The following SYNDIG1 variants were observed in gnomAD, a reference collection of about 807,000 sequenced individuals.
The protein encoded by SYNDIG1 is synapse differentiation inducing 1, also known as synapse differentiation-inducing gene protein 1.
SYNDIG1 carries 9 observed loss-of-function variants against 19.4 expected under a neutral mutation model. The observed-to-expected ratio is 0.46, with a 90% CI of 0.28 to 0.81. The LOEUF is 0.81. SYNDIG1 is among the 30% of genes least tolerant of loss of function. SYNDIG1 has a pLI of 0.12. For synonymous variants in SYNDIG1, 141 were observed against 145.9 expected, an observed-to-expected ratio of 0.97 and a Z score of 0.24; for missense variants, 311 against 343.3, an observed-to-expected ratio of 0.91 and a Z score of 0.74.
chr20:24,498,685 G>A (rs2056362874), intron 1 of SYNDIG1, among the ~76,000 whole-genome samples: 1 of 152,198 alleles, frequency 6.6e-6, no homozygotes, highest in Non-Finnish European at 1.5e-5. Context: ...GTGTTCTTGT[G>A]TGTAGCTGTG....
At chr20:24,500,630 C>A (rs564510868) in intron 1 of SYNDIG1, among the ~76,000 whole-genome samples, 1 of 151,374 alleles carries the variant, frequency 6.6e-6, no homozygotes, top group Non-Finnish European at 1.5e-5. Context: ...TGTTACAGAT[C>A]GTAAAACCCA....
intron 1 of SYNDIG1, among the ~76,000 whole-genome samples, chr20:24,529,602 A>G (rs1423736914): frequency 1.3e-5 from 2 of 152,212 alleles, no homozygotes; most frequent in East Asian, 3.8e-4. Flanking sequence ...GTGTCATAGA[A>G]TATTCCTATT....
chr20:24,585,096 G>A, intron 3 of SYNDIG1, 103 bp downstream of exon 3: 4 of 1,438,756 alleles, frequency 2.8e-6, no homozygotes, highest in Non-Finnish European at 3.8e-6. Context: ...AGCCCAAACA[G>A]CTCCTGCTAC....
intron 3 of SYNDIG1, among the ~76,000 whole-genome samples, chr20:24,652,458 G>A (rs1338062846): frequency 1.3e-5 from 2 of 152,346 alleles, no homozygotes; most frequent in Non-Finnish European, 2.9e-5. Flanking sequence ...ATCAGAAGAG[G>A]CTTCTGCCTG....
At chr20:24,512,627 A>C (rs1250363002) in intron 1 of SYNDIG1, among the ~76,000 whole-genome samples, 1 of 152,082 alleles carries the variant, frequency 6.6e-6, no homozygotes, top group Non-Finnish European at 1.5e-5. Flanking sequence ...TGAGTAGGTA[A>C]ACAAAGCTGG....
chr20:24,638,487 C>T (rs932101465), intron 3 of SYNDIG1, among the ~76,000 whole-genome samples: 22 of 152,196 alleles, frequency 1.4e-4, no homozygotes, highest in African/African-American at 4.6e-4. Context: ...CTTCCCGAGA[C>T]GCTGGGACTA....
chr20:24,635,621 G>C (rs1320268159), intron 3 of SYNDIG1, among the ~76,000 whole-genome samples: 1 of 152,186 alleles, frequency 6.6e-6, no homozygotes, highest in Non-Finnish European at 1.5e-5. Flanking sequence ...GCCGACTAAA[G>C]GAGTACCTTT....
chr20:24,516,625 A>C (rs947799227), intron 1 of SYNDIG1, among the ~76,000 whole-genome samples: 1 of 152,210 alleles, frequency 6.6e-6, no homozygotes, highest in African/African-American at 2.4e-5. Context: ...GAGATACCAT[A>C]TCACACTAGT....
At chr20:24,554,523 A>G (rs1182335970) in intron 2 of SYNDIG1, among the ~76,000 whole-genome samples, 2 of 152,178 alleles carry the variant, frequency 1.3e-5, no homozygotes, top group Non-Finnish European at 2.9e-5. Flanking sequence ...AAGGTTGTTG[A>G]ATTTTGTCAA....
intron 1 of SYNDIG1, among the ~76,000 whole-genome samples, chr20:24,513,743 G>A (rs2056801047): frequency 6.6e-6 from 1 of 152,108 alleles, no homozygotes; most frequent in African/African-American, 2.4e-5. Context: ...TAGCAAGGCA[G>A]GCCAACATTG....
chr20:24,539,431 C>T (rs762473784), intron 1 of SYNDIG1, among the ~76,000 whole-genome samples: 2 of 152,110 alleles, frequency 1.3e-5, no homozygotes, highest in Non-Finnish European at 2.9e-5. Flanking sequence ...TTTCTGGGCT[C>T]TCTATTTTAT....
chr20:24,529,251 T>G (rs2057191011), intron 1 of SYNDIG1, among the ~76,000 whole-genome samples: 1 of 152,184 alleles, frequency 6.6e-6, no homozygotes, highest in African/African-American at 2.4e-5. Context: ...TTGATGGTAA[T>G]GATGACAATG....
At chr20:24,607,294 G>GATGTTGCA (rs2058770354) in intron 3 of SYNDIG1, among the ~76,000 whole-genome samples, 1 of 148,726 alleles carries the variant, frequency 6.7e-6, no homozygotes, top group South Asian at 2.1e-4. Flanking sequence ...CCAGGAGGCG[G>GATGTTGCA]ATGTTGCAAT....
chr20:24,566,691 G>A (rs372158906), intron 2 of SYNDIG1, among the ~76,000 whole-genome samples: 27 of 152,250 alleles, frequency 1.8e-4, no homozygotes, highest in East Asian at 9.7e-4. Context: ...CTGAGTTCCC[G>A]TCCCCATCTC....
At chr20:24,474,503 C>CTG (rs2146197290) in intron 1 of SYNDIG1, among the ~76,000 whole-genome samples, 1 of 152,334 alleles carries the variant, frequency 6.6e-6, no homozygotes, top group African/African-American at 2.4e-5. Context: ...ATAACCTTGC[C>CTG]TGTTTAGTCG....
chr20:24,506,147 T>A (rs1293498824), intron 1 of SYNDIG1, among the ~76,000 whole-genome samples: 2 of 152,138 alleles, frequency 1.3e-5, no homozygotes. Flanking sequence ...TCATAAATAA[T>A]CTCCGGGAGG....
chr20:24,486,586 C>A (rs1001949337), intron 1 of SYNDIG1, among the ~76,000 whole-genome samples: 4 of 152,118 alleles, frequency 2.6e-5, no homozygotes, highest in Non-Finnish European at 5.9e-5. Flanking sequence ...GAGCTCTGGT[C>A]CAGTGGGTCG....
At chr20:24,600,029 G>A (rs2058655776) in intron 3 of SYNDIG1, among the ~76,000 whole-genome samples, 1 of 152,068 alleles carries the variant, frequency 6.6e-6, no homozygotes. Context: ...CAATTTCAGA[G>A]GTATCTCATA....
At chr20:24,596,745 C>G (rs1183843611) in intron 3 of SYNDIG1, 2 of 152,404 alleles carry the variant, frequency 1.3e-5, no homozygotes, top group African/African-American at 2.4e-5. Flanking sequence ...ATCCTCACCC[C>G]ACTTGGAGCC....
Sources: allele counts gnomAD v4.1 joint callset (sites outside exome capture counted in the v4.1 genomes callset), GRCh38; gene constraint gnomAD v4.1.1; transcripts MANE v1.5; gene names NCBI Gene and HGNC (gene_info 2026-07-23, HGNC 2026-07-21).